The following KLHDC10 variants were observed in gnomAD, a reference collection of about 807,000 sequenced individuals.
KLHDC10 encodes kelch domain-containing protein 10.
Under a neutral mutation model 56.1 loss-of-function variants are expected in KLHDC10, and 24 were observed. The observed-to-expected ratio is 0.43, with a 90% CI of 0.31 to 0.60. The LOEUF (loss-of-function observed/expected upper bound fraction) is 0.60, where lower values mean the gene tolerates loss of function less well. Ranked by LOEUF, KLHDC10 falls within the 20% of genes least tolerant of loss-of-function variation. The pLI is 0.11. For missense variants in KLHDC10, 349 were observed against 567.0 expected (o/e 0.62, Z 3.91); for synonymous variants, 188 against 207.1 (o/e 0.91, Z 0.79).
chr7:130,081,827 T>G (rs1276262628), intron 1 of KLHDC10, among the ~76,000 whole-genome samples: 1 of 152,236 alleles, frequency 6.6e-6, no homozygotes, highest in East Asian at 1.9e-4. Flanking sequence ...AAGATTTCAT[T>G]TCTGCGTTGG....
At chr7:130,108,572 A>AAAAAAAAAAAAAAAAT (rs1405437913) in intron 2 of KLHDC10, among the ~76,000 whole-genome samples, 1 of 144,006 alleles carries the variant, frequency 6.9e-6, no homozygotes, top group African/African-American at 2.6e-5. Flanking sequence ...AAAAAAAAAA[A>AAAAAAAAAAAAAAAAT]AGCTGGGCGT....
chr7:130,104,598 T>C (rs112597151), intron 2 of KLHDC10, among the ~76,000 whole-genome samples: 2,156 of 152,286 alleles, frequency 0.014, 43 homozygotes, highest in African/African-American at 0.049. Context: ...CTGGGTACTT[T>C]ATAAAGAAGA....
Position 130,129,593 on chromosome 7 carries a change from A to T in KLHDC10, c.1119+17A>T. The T allele has an allele frequency of 2.5e-6, 4 of 1,608,754 alleles. No homozygotes were observed. Among genetic ancestry groups the T allele is most frequent in the Non-Finnish European group, 3.4e-6 (4 of 1,178,068 alleles). ...GTTACACCAGTAAGTTTTTATTTTC[A>T]TATCTTCCTTATGTAGTTACAGATG... is the stretch of plus-strand genomic sequence containing the variant. On this transcript the variant is annotated intron_variant, in intron 9 of 9. Transcript: ENST00000335420.
intron 1 of KLHDC10, among the ~76,000 whole-genome samples, chr7:130,080,832 ATTC>A (rs1227474793): frequency 1.3e-5 from 2 of 152,180 alleles, no homozygotes; most frequent in Non-Finnish European, 2.9e-5. Context: ...TGACCAAGGT[ATTC>A]TTTTATGATT....
intron 1 of KLHDC10, among the ~76,000 whole-genome samples, chr7:130,077,090 C>T (rs375826983): frequency 2.0e-5 from 3 of 151,994 alleles, no homozygotes. Context: ...CATGGGGGCT[C>T]ACGCCTTTAA....
chr7:130,078,575 A>T (rs974220988), intron 1 of KLHDC10, among the ~76,000 whole-genome samples: 1 of 151,010 alleles, frequency 6.6e-6, no homozygotes, highest in East Asian at 2.0e-4. Context: ...CTGGAGTGCA[A>T]TGCCGCAGTC....
chr7:130,127,859 T>A (rs1796333798), intron 8 of KLHDC10, among the ~76,000 whole-genome samples: 1 of 152,248 alleles, frequency 6.6e-6, no homozygotes, highest in Non-Finnish European at 1.5e-5. Flanking sequence ...GATTCTGTTC[T>A]CTCTCTGATG....
rs35779809 is a variant in KLHDC10, at chr7:130,087,817, A to G, written c.167-9104A>G. Among the ~76,000 whole-genome samples the G allele has an allele frequency of 9.3e-3, 1,413 of 151,492 alleles. 8 individuals carry two copies. Among genetic ancestry groups the G allele is most frequent in the Non-Finnish European group, 0.014 (951 of 67,860 alleles). ...CTCTTGTCACCCAGGCTGGAGTGCA[A>G]TGGTACAGTATCGGCTCACTGCAAC... On this transcript the variant is annotated intron_variant, in intron 1 of 9. Transcript: ENST00000335420.
At chr7:130,101,265 CATTATT>C (rs1795925379) in intron 2 of KLHDC10, among the ~76,000 whole-genome samples, 1 of 152,134 alleles carries the variant, frequency 6.6e-6, no homozygotes, top group African/African-American at 2.4e-5. Flanking sequence ...TGCTAGCTAT[CATTATT>C]GTTATTGTTA....
At chr7:130,077,077 A>G (rs909869807) in intron 1 of KLHDC10, among the ~76,000 whole-genome samples, 6 of 152,150 alleles carry the variant, frequency 3.9e-5, no homozygotes, top group Admixed American at 3.9e-4. Context: ...ATATGTGGCC[A>G]GGCATGGGGG....
chr7:130,108,778 C>T (rs1796057854), intron 2 of KLHDC10, among the ~76,000 whole-genome samples: 1 of 151,600 alleles, frequency 6.6e-6, no homozygotes, highest in Non-Finnish European at 1.5e-5. Flanking sequence ...GTATCCTTTA[C>T]CCAGATTCCC....
chr7:130,129,381 T>C lies in KLHDC10; in HGVS notation c.980-56T>C, dbSNP rs529881051. ...GGCTGTGTGACCTACTCTAAAACAC[T>C]CCATAGCTTTGGCTCTTTTCCTTTG... On this transcript the variant is annotated intron_variant, in intron 8 of 9. Coordinates refer to ENST00000335420, the MANE Select transcript of KLHDC10 (RefSeq NM_014997.4). 7.3e-4 allele frequency: 1,168 copies of C among 1,604,386 alleles called. 3 individuals carry two copies. The highest frequency in any genetic ancestry group is 9.2e-4 in the Non-Finnish European group (1,087 of 1,175,436).
chr7:130,108,572 A>AAAAAT lies in KLHDC10; in HGVS notation c.254-7872_254-7871insAAATA, dbSNP rs1405437913. ...CCAAATATCCAAAAAAAAAAAAAAA[A>AAAAAT]AGCTGGGCGTGGTGGTGCGCGCCTG... On this transcript the variant is annotated intron_variant, in intron 2 of 9. Transcript: ENST00000335420. Among the ~76,000 whole-genome samples the AAAAAT allele has an allele frequency of 5.3e-4, 77 of 144,074 alleles. 2 individuals carry two copies. The highest frequency in any genetic ancestry group is 1.2e-3 in the Admixed American group (17 of 14,162). 94.5% of individuals were successfully genotyped at this position (144,074 alleles called of 152,430 possible). A position where few individuals can be genotyped will look rare whatever the true frequency, so the allele number is the denominator to read the frequency against.
intron 2 of KLHDC10, among the ~76,000 whole-genome samples, chr7:130,106,437 C>G (rs113690421): frequency 1.3e-5 from 2 of 151,756 alleles, no homozygotes; most frequent in Non-Finnish European, 2.9e-5. Flanking sequence ...GAAAATAAAG[C>G]GAGAAAGAGC....
intron 2 of KLHDC10, among the ~76,000 whole-genome samples, chr7:130,105,725 G>A (rs181372303): frequency 1.2e-3 from 190 of 152,274 alleles, no homozygotes; most frequent in Middle Eastern, 3.4e-3. Flanking sequence ...AGGGTTTCTG[G>A]GTGCTGGCTG....
intron 2 of KLHDC10, among the ~76,000 whole-genome samples, chr7:130,103,751 CAT>C (rs919728862): frequency 6.6e-6 from 1 of 152,092 alleles, no homozygotes; most frequent in Admixed American, 6.6e-5. Context: ...AAGTTTGTGA[CAT>C]ACCCCATTTT....
At chr7:130,094,862 C>CT (rs1192817053) in intron 1 of KLHDC10, 1 of 152,118 alleles carries the variant, frequency 6.6e-6, no homozygotes, top group Non-Finnish European at 1.5e-5. Flanking sequence ...TTTGTCCATA[C>CT]ATCTTTCCAT....
At chr7:130,129,086 C>T (rs1046199225) in intron 8 of KLHDC10, among the ~76,000 whole-genome samples, 5 of 151,646 alleles carry the variant, frequency 3.3e-5, no homozygotes, top group African/African-American at 1.2e-4. Flanking sequence ...AGAGCATGAG[C>T]ATTTCTGTCT....
rs776019059 is a variant in KLHDC10 at position 130,120,813 on chromosome 7, C to T, written c.540C>T (p.Asn180=). Residue 180 remains asparagine, a synonymous_variant, in exon 4 of 10, where the codon AAC becomes AAT. Coordinates refer to ENST00000335420, the MANE Select transcript of KLHDC10 (RefSeq NM_014997.4). This position sits in a 1 kb window ranked among gnomAD's most constrained non-coding sequence, Gnocchi z 5.1. ...GGTGIPFGES[N]GNDVHVCNVK... is the part of the protein sequence containing the mutation. The stretch of plus-strand genomic sequence containing the variant: ...CGGGCATCCCATTTGGAGAGAGCAA[C>T]GGCAATGACGTCCATGTGTGTAATG... 29 of 1,613,946 alleles carry T rather than the reference C, an allele frequency of 1.8e-5. No homozygotes were observed. Among genetic ancestry groups the T allele is most frequent in the Admixed American group, 1.7e-5 (1 of 59,994 alleles).
Sources: gnomAD v4.1 joint callset for allele counts (sites outside exome capture counted in the v4.1 genomes callset) on GRCh38, gnomAD v4.1.1 for gene constraint, Gnocchi (gnomAD v3.1) non-coding constraint, MANE v1.5 for transcripts, NCBI Gene and HGNC (gene_info 2026-07-23, HGNC 2026-07-21) for gene names.